LARP1: variants seen among roughly 807,000 people sequenced by gnomAD.
LARP1 encodes the protein La ribonucleoprotein 1, translational regulator.
A neutral mutation model predicts 122.7 loss-of-function variants in LARP1; 36 were observed. That is an observed-to-expected ratio of 0.29 (90% CI 0.22 to 0.39). The LOEUF (loss-of-function observed/expected upper bound fraction) is 0.39, where lower values mean the gene tolerates loss of function less well. Ranked by LOEUF, LARP1 falls within the 10% of genes least tolerant of loss-of-function variation. The pLI, the probability that LARP1 is intolerant of heterozygous loss-of-function variation, is 1.00. For synonymous variants in LARP1, 539 were observed against 528.7 expected (o/e 1.02, Z -0.27); for missense variants, 1,040 against 1,403.6 (o/e 0.74, Z 4.14).
Position 154,803,694 on chromosome 5 carries a change from G to C in LARP1, c.2388G>C (p.Gln796His). Residue 796 changes from glutamine (Q) to histidine (H), a missense_variant, in exon 13 of 19, where the codon CAG becomes CAC. Coordinates refer to ENST00000518297, the MANE Select transcript of LARP1 (RefSeq NM_033551.3). The surrounding 1 kb of genome is among the most constrained non-coding windows in gnomAD (Gnocchi z 4.4). ...CACCACAGCTCAAAGACTCAAGCCAGACATCACGGTTTTACCCAGTGGTGA... is the reference window on the plus strand; with the variant it reads ...CACCACAGCTCAAAGACTCAAGCCACACATCACGGTTTTACCCAGTGGTGA... ...PRTPQLKDSS[Q>H]TSRFYPVVKE... 1.2e-6 allele frequency: 2 copies of C among 1,614,208 alleles called. No individual in the cohort carries two copies. Among genetic ancestry groups the C allele is most frequent in the Non-Finnish European group, 8.5e-7 (1 of 1,180,038 alleles).
chr5:154,689,042 G>A (rs1379102512), intron 1 of LARP1, among the ~76,000 whole-genome samples: 2 of 152,168 alleles, frequency 1.3e-5, no homozygotes, highest in African/African-American at 4.8e-5. Context: ...TTTTGCGCCG[G>A]GCGCAGTGGC....
chr5:154,773,373 G>A (rs1161384617), intron 1 of LARP1, among the ~76,000 whole-genome samples: 4 of 152,176 alleles, frequency 2.6e-5, no homozygotes, highest in African/African-American at 9.7e-5. Context: ...GTAACAGTTT[G>A]CTGTTGAGAG....
chr5:154,685,152 G>A (rs1255283530), intron 1 of LARP1, among the ~76,000 whole-genome samples: 2 of 151,944 alleles, frequency 1.3e-5, no homozygotes, highest in Non-Finnish European at 2.9e-5. Context: ...GCTGAGGCAG[G>A]AGAATCACTT....
chr5:154,696,667 A>G (rs1754483383), intron 1 of LARP1, among the ~76,000 whole-genome samples: 1 of 152,204 alleles, frequency 6.6e-6, no homozygotes, highest in African/African-American at 2.4e-5. Context: ...TCCATTAGTA[A>G]TGGCAGAAGA....
intron 14 of LARP1, chr5:154,804,950 A>G (rs530410865): frequency 1.3e-4 from 58 of 455,952 alleles, no homozygotes; most frequent in African/African-American, 1.1e-3. Flanking sequence ...CCAGCTGCAC[A>G]CAGTTGAAAA....
intron 16 of LARP1, 55 bp from the exon 17 acceptor site, chr5:154,811,192 T>C (rs1335264508): frequency 7.6e-7 from 1 of 1,313,128 alleles, no homozygotes; most frequent in South Asian, 1.2e-5. Context: ...GCAGGCACAT[T>C]TCCCGTTTTA....
chr5:154,791,039 ACTC>A, intron 3 of LARP1, among the ~76,000 whole-genome samples: 1 of 150,506 alleles, frequency 6.6e-6, no homozygotes, highest in South Asian at 2.1e-4. Flanking sequence ...CTGGTCTCGA[ACTC>A]CTGACCTCAA....
Position 154,816,453 on chromosome 5 carries a change from C to G in LARP1, c.*2357C>G, listed in dbSNP as rs1156940301. Reference sequence around the variant, plus strand: ...CTTCACAGACATCCCTGAAAGGAAGCCCCTTTGGGGCAGGGAGGTGAGGAC... The same window carrying G: ...CTTCACAGACATCCCTGAAAGGAAGGCCCTTTGGGGCAGGGAGGTGAGGAC... On this transcript the variant is annotated 3_prime_UTR_variant, in exon 19 of 19. Coordinates refer to ENST00000518297, the MANE Select transcript of LARP1 (RefSeq NM_033551.3). 6.5e-6 allele frequency: 1 copy of G among 152,682 alleles called. No individual in the cohort carries two copies. Among genetic ancestry groups the G allele is most frequent in the Non-Finnish European group, 1.5e-5 (1 of 68,068 alleles). 9.5% of individuals were successfully genotyped at this position (152,682 alleles called of 1,614,324 possible).
intron 8 of LARP1, among the ~76,000 whole-genome samples, chr5:154,796,019 AT>A (rs557452327): frequency 1.6e-4 from 16 of 96,988 alleles, no homozygotes; most frequent in South Asian, 8.2e-4. Flanking sequence ...ATATTTATAT[AT>A]TATATATATT....
chr5:154,786,546 C>A, intron 1 of LARP1: 1 of 454,626 alleles, frequency 2.2e-6, no homozygotes. Flanking sequence ...TGCCATCCAC[C>A]CTGCTACAGT....
rs751575396 is a variant in LARP1, at chr5:154,793,831, C to A, written c.900C>A (p.Ala300=). 6.2e-7 allele frequency: 1 copy of A among 1,613,974 alleles called. No individual in the cohort carries two copies. The highest frequency in any genetic ancestry group is 8.5e-7 in the Non-Finnish European group (1 of 1,180,004). The change falls in exon 6 of 19, where the codon GCC becomes GCA. Residue 300 remains alanine, a synonymous_variant. Transcript: ENST00000518297. ...GSESATYVPV[A]PPTPAWQPEI... Reference sequence around the variant, plus strand: ...AGTCTGCCACCTACGTGCCCGTGGCCCCCCCCACCCCAGCCTGGCAACCAG... The same window carrying A: ...AGTCTGCCACCTACGTGCCCGTGGCACCCCCCACCCCAGCCTGGCAACCAG...
At chr5:154,749,483 C>T (rs148318235) in intron 1 of LARP1, among the ~76,000 whole-genome samples, 2 of 152,248 alleles carry the variant, frequency 1.3e-5, no homozygotes, top group East Asian at 3.9e-4. Flanking sequence ...GGGGGTTAAA[C>T]GAGGAATTGT....
chr5:154,770,332 A>T (rs966243009), intron 1 of LARP1, among the ~76,000 whole-genome samples: 2 of 151,640 alleles, frequency 1.3e-5, no homozygotes, highest in Non-Finnish European at 2.9e-5. Flanking sequence ...CACTTCTCAC[A>T]CTGTCTAGAA....
chr5:154,689,375 C>T (rs1754085964), intron 1 of LARP1, among the ~76,000 whole-genome samples: 1 of 152,056 alleles, frequency 6.6e-6, no homozygotes, highest in South Asian at 2.1e-4. Context: ...TTGCTTGAAC[C>T]CAGGAGCAGA....
chr5:154,709,478 TAATTTAAGTAGG>T (rs1162710271), upstream of LARP1, among the ~76,000 whole-genome samples: 2 of 152,148 alleles, frequency 1.3e-5, no homozygotes, highest in African/African-American at 2.4e-5. Flanking sequence ...AATGAACCCA[TAATTTAAGTAGG>T]ACTCTTGGTA....
At position 154,799,933 on chromosome 5, in the gene LARP1, G is replaced by A; in HGVS notation, c.1607G>A (p.Ser536Asn). Residue 536 changes from serine (S) to asparagine (N), a missense_variant, in exon 10 of 19, where the codon AGC becomes AAC. Ser to Asn is a conservative substitution (Grantham distance 46). This residue lies in a region of LARP1 where 362 missense variants were observed against 533.1 expected (regional missense o/e 0.68). Coordinates refer to ENST00000518297, the MANE Select transcript of LARP1 (RefSeq NM_033551.3). ...TPVPTKTEEV[S>N]NLKTLPKGLS... ...GTGCCAACCAAAACAGAGGAGGTCA[G>A]CAACCTAAAGACACTACCCAAGGGC... is the stretch of plus-strand genomic sequence containing the variant. 5 of 1,614,180 alleles carry A rather than the reference G, an allele frequency of 3.1e-6. No individual in the cohort carries two copies. Among genetic ancestry groups the A allele is most frequent in the Non-Finnish European group, 4.2e-6 (5 of 1,180,030 alleles).
intron 1 of LARP1, among the ~76,000 whole-genome samples, chr5:154,783,127 T>C (rs1756591605): frequency 6.6e-6 from 1 of 152,226 alleles, no homozygotes; most frequent in Admixed American, 6.5e-5. Context: ...TCAGGGTCCC[T>C]GGACACAGGC....
At chr5:154,734,090 C>G (rs1219862658) in intron 1 of LARP1, among the ~76,000 whole-genome samples, 2 of 151,432 alleles carry the variant, frequency 1.3e-5, no homozygotes, top group East Asian at 3.9e-4. Flanking sequence ...TCACTTGAAC[C>G]TGGGAGGCAG....
chr5:154,690,523 T>C (rs971434044), intron 1 of LARP1, among the ~76,000 whole-genome samples: 10 of 152,178 alleles, frequency 6.6e-5, no homozygotes, highest in African/African-American at 2.4e-4. Context: ...AGAGGGAAAG[T>C]GACCATCTCA....
Sources: allele counts gnomAD v4.1 joint callset (sites outside exome capture counted in the v4.1 genomes callset), GRCh38; gene constraint gnomAD v4.1.1; regional missense constraint gnomAD v4.1.1; non-coding constraint Gnocchi (gnomAD v3.1); transcripts MANE v1.5; gene names NCBI Gene and HGNC (gene_info 2026-07-23, HGNC 2026-07-21).